The following FNDC3B variants were observed in gnomAD, a reference collection of about 807,000 sequenced individuals.
The protein encoded by FNDC3B is fibronectin type III domain-containing protein 3B.
In FNDC3B, 12 loss-of-function variants were observed where a neutral mutation model predicts 151.5. The observed-to-expected ratio is 0.08, with a 90% CI of 0.05 to 0.13. The LOEUF is 0.13. Among genes scored for constraint, FNDC3B ranks in the 10% least tolerant of loss-of-function variants. The pLI, the probability that FNDC3B is intolerant of heterozygous loss-of-function variation, is 1.00. For missense variants in FNDC3B, 1,214 were observed against 1,505.3 expected (o/e 0.81, Z 3.20); for synonymous variants, 528 against 549.0 (o/e 0.96, Z 0.54).
intron 22 of FNDC3B, among the ~76,000 whole-genome samples, chr3:172,357,808 C>G (rs1181780125): frequency 1.3e-5 from 2 of 152,032 alleles, no homozygotes; most frequent in Admixed American, 1.3e-4. Flanking sequence ...ATCAGCTGTA[C>G]ACGTAAATGT....
chr3:172,260,237 T>C (rs1015610326), intron 6 of FNDC3B, among the ~76,000 whole-genome samples: 6 of 152,264 alleles, frequency 3.9e-5, no homozygotes, highest in African/African-American at 9.6e-5. Context: ...TGTTATTTCT[T>C]TCATTTAGCT....
chr3:172,208,180 T>C (rs1035980550), intron 3 of FNDC3B, among the ~76,000 whole-genome samples: 2 of 152,204 alleles, frequency 1.3e-5, no homozygotes, highest in Non-Finnish European at 2.9e-5. Flanking sequence ...TATATTGTGA[T>C]ATGAACACCT....
chr3:172,160,904 T>C (rs369369710), intron 3 of FNDC3B, among the ~76,000 whole-genome samples: 1 of 152,288 alleles, frequency 6.6e-6, no homozygotes, highest in East Asian at 1.9e-4. Flanking sequence ...TTGAAAGAAT[T>C]TTTGTGAACT....
At chr3:172,225,184 T>A (rs1576814382) in intron 3 of FNDC3B, among the ~76,000 whole-genome samples, 1 of 152,324 alleles carries the variant, frequency 6.6e-6, no homozygotes, top group South Asian at 2.1e-4. Context: ...TTTTAAAAAC[T>A]TTTTTGGGAA....
At chr3:172,219,024 C>T (rs1345669864) in intron 3 of FNDC3B, among the ~76,000 whole-genome samples, 1 of 152,174 alleles carries the variant, frequency 6.6e-6, no homozygotes, top group Non-Finnish European at 1.5e-5. Flanking sequence ...GAGTTCTTGT[C>T]CCTGTTGTTC....
At chr3:172,369,840 C>T (rs898261311) in intron 23 of FNDC3B, among the ~76,000 whole-genome samples, 3 of 152,070 alleles carry the variant, frequency 2.0e-5, no homozygotes, top group African/African-American at 7.2e-5. Flanking sequence ...GAATACTATC[C>T]ATTTCTATTT....
chr3:172,299,621 CT>C (rs35874144), intron 9 of FNDC3B, among the ~76,000 whole-genome samples: 37,813 of 149,484 alleles, frequency 0.25, 4,912 homozygotes, highest in East Asian at 0.34. Context: ...CATTGTTTCC[CT>C]TTTTTTTTTC....
intron 6 of FNDC3B, among the ~76,000 whole-genome samples, chr3:172,270,560 A>G (rs993850060): frequency 6.6e-6 from 1 of 152,178 alleles, no homozygotes; most frequent in Non-Finnish European, 1.5e-5. Context: ...GCATAGCCCA[A>G]ATGCTTCAGG....
intron 5 of FNDC3B, among the ~76,000 whole-genome samples, chr3:172,249,263 T>A (rs919755289): frequency 6.6e-6 from 1 of 152,174 alleles, no homozygotes; most frequent in Non-Finnish European, 1.5e-5. Context: ...ATTTTAGCAG[T>A]CTGTTAGTAG....
At chr3:172,135,206 C>G (rs551167152) in intron 3 of FNDC3B, among the ~76,000 whole-genome samples, 23 of 151,556 alleles carry the variant, frequency 1.5e-4, no homozygotes, top group African/African-American at 4.9e-4. Context: ...GCATTAAAAT[C>G]TCTTTCATTC....
At chr3:172,269,421 G>C (rs1729078657) in intron 6 of FNDC3B, among the ~76,000 whole-genome samples, 1 of 139,722 alleles carries the variant, frequency 7.2e-6, no homozygotes, top group African/African-American at 2.9e-5. Context: ...ACCATGGCTG[G>C]CTAATTAAAA....
intron 1 of FNDC3B, among the ~76,000 whole-genome samples, chr3:172,082,540 C>G (rs1235620926): frequency 1.2e-5 from 1 of 86,930 alleles, no homozygotes; most frequent in Non-Finnish European, 2.5e-5. Context: ...ACATCTAGTT[C>G]ATTCTCCAGC....
chr3:172,253,715 TTTTG>T lies in FNDC3B; in HGVS notation c.790+2178_790+2181del, dbSNP rs1346486251. On this transcript the variant is annotated intron_variant, in intron 6 of 25. Coordinates refer to ENST00000415807, the MANE Select transcript of FNDC3B (RefSeq NM_022763.4). ...CATGTGACTTGTGTGTGTTTTTTGT[TTTTG>T]TTTTTTTTATGTAATGTTTTACTTA... Among the ~76,000 whole-genome samples, 7 of 152,312 alleles carry T rather than the reference TTTTG, an allele frequency of 4.6e-5. No homozygotes were observed. In the South Asian group the frequency reaches 1.5e-3, roughly 32 times the overall value.
At chr3:172,342,160 C>A (rs1475428934) in intron 17 of FNDC3B, among the ~76,000 whole-genome samples, 4 of 152,202 alleles carry the variant, frequency 2.6e-5, no homozygotes, top group Non-Finnish European at 4.4e-5. Context: ...TGTTTACTTT[C>A]TTTTGCCCCC....
intron 3 of FNDC3B, chr3:172,184,217 AC>A (rs1416370398): frequency 1.3e-5 from 2 of 152,054 alleles, no homozygotes; most frequent in Non-Finnish European, 2.9e-5. Context: ...TGCTTCTTGT[AC>A]CCTTTTACTC....
At position 172,102,360 on chromosome 3, in the gene FNDC3B, T is replaced by C. The variant is rs149782840; in HGVS notation, c.-28-10092T>C. Among the ~76,000 whole-genome samples the C allele has an allele frequency of 7.0e-4, 107 of 152,290 alleles. 1 individual carries two copies. Among genetic ancestry groups the C allele is most frequent in the African/African-American group, 2.4e-3 (98 of 41,562 alleles). Reference sequence around the variant, plus strand: ...CTTCAAAGCTCTTCCTCCACATCTTTCCAGAAAGCAATCAGTTGTTTGGTG... The same window carrying C: ...CTTCAAAGCTCTTCCTCCACATCTTCCCAGAAAGCAATCAGTTGTTTGGTG... On this transcript the variant is annotated intron_variant, in intron 1 of 25. Transcript: ENST00000415807.
At chr3:172,114,864 G>A (rs761838438) in intron 2 of FNDC3B, among the ~76,000 whole-genome samples, 1 of 152,132 alleles carries the variant, frequency 6.6e-6, no homozygotes, top group Non-Finnish European at 1.5e-5. Flanking sequence ...TGAAAAAGTG[G>A]GGGTACACTT....
chr3:172,343,951 A>G (rs1051039102), intron 18 of FNDC3B, 135 bp from the exon 19 acceptor site: 18 of 705,266 alleles, frequency 2.6e-5, no homozygotes, highest in Non-Finnish European at 4.4e-5. Context: ...TTTGGTGGGC[A>G]TGGATTCTTT....
At chr3:172,043,113 C>A (rs1359225837) in intron 1 of FNDC3B, among the ~76,000 whole-genome samples, 2 of 152,094 alleles carry the variant, frequency 1.3e-5, no homozygotes, top group Non-Finnish European at 2.9e-5. Flanking sequence ...GACGGGTTTT[C>A]ACCATGTTAG....
Sources: allele counts gnomAD v4.1 joint callset (sites outside exome capture counted in the v4.1 genomes callset), GRCh38; gene constraint gnomAD v4.1.1; transcripts MANE v1.5; gene names NCBI Gene and HGNC (gene_info 2026-07-23, HGNC 2026-07-21).